Variants in LRRC4C observed in about 807,000 individuals in gnomAD.
LRRC4C encodes leucine-rich repeat-containing protein 4C.
A neutral mutation model predicts 33.6 loss-of-function variants in LRRC4C; 5 were observed. That is an observed-to-expected ratio of 0.15 (90% CI 0.08 to 0.31). The LOEUF (loss-of-function observed/expected upper bound fraction) is 0.31. Ranked by LOEUF, LRRC4C falls within the 10% of genes least tolerant of loss-of-function variation. LRRC4C has a pLI of 1.00. For missense variants in LRRC4C, 560 were observed against 796.7 expected (o/e 0.70, Z 3.58); for synonymous variants, 329 against 302.0 (o/e 1.09, Z -0.93).
At chr11:41,148,338 C>T (rs1452251645) in intron 1 of LRRC4C, among the ~76,000 whole-genome samples, 1 of 151,992 alleles carries the variant, frequency 6.6e-6, no homozygotes, top group Non-Finnish European at 1.5e-5. Flanking sequence ...CTGCAGTGAG[C>T]CATGATCACA....
intron 1 of LRRC4C, among the ~76,000 whole-genome samples, chr11:41,370,584 C>T (rs1401775825): frequency 6.6e-6 from 1 of 152,178 alleles, no homozygotes; most frequent in African/African-American, 2.4e-5. Flanking sequence ...CGCCTTTCTC[C>T]TCCTGCCATG....
chr11:40,201,063 T>G (rs1565126008), intron 5 of LRRC4C, among the ~76,000 whole-genome samples: 1 of 152,148 alleles, frequency 6.6e-6, no homozygotes, highest in African/African-American at 2.4e-5. Flanking sequence ...CATGTGCACA[T>G]GCATGCAGGG....
chr11:40,619,452 G>T (rs989838394), intron 3 of LRRC4C, among the ~76,000 whole-genome samples: 4 of 151,464 alleles, frequency 2.6e-5, no homozygotes, highest in East Asian at 1.9e-4. Flanking sequence ...AAACTAAAAA[G>T]AAATAAAGAA....
intron 1 of LRRC4C, among the ~76,000 whole-genome samples, chr11:41,080,342 C>CA (rs1555067263): frequency 1.5e-4 from 15 of 103,434 alleles, no homozygotes; most frequent in African/African-American, 5.1e-4. Flanking sequence ...GAGTCTCCTC[C>CA]TTTTTTTTTT....
intron 5 of LRRC4C, among the ~76,000 whole-genome samples, chr11:40,193,767 C>T (rs1475901664): frequency 1.3e-5 from 2 of 152,008 alleles, no homozygotes; most frequent in African/African-American, 4.8e-5. Context: ...CATAAATGAC[C>T]TGATGGAGAT....
rs183353527 is a variant in LRRC4C at position 40,725,425 on chromosome 11, G to A, written c.-406-77147C>T. On this transcript the variant is annotated intron_variant, in intron 2 of 6. Transcript: ENST00000528697. The stretch of plus-strand genomic sequence containing the variant: ...AGGGAGGCTGAGGCAGGAGAATGGC[G>A]TGAACCTGGGAGGTGAAGCTTGCAG... Among the ~76,000 whole-genome samples, 534 of 151,904 alleles carry A rather than the reference G, an allele frequency of 3.5e-3. 4 individuals carry two copies. The highest frequency in any genetic ancestry group is 0.012 in the African/African-American group (498 of 41,438).
intron 1 of LRRC4C, among the ~76,000 whole-genome samples, chr11:40,961,955 A>C (rs1366869175): frequency 2.6e-5 from 4 of 151,536 alleles, no homozygotes; most frequent in Non-Finnish European, 5.9e-5. Flanking sequence ...TTTTTATAGG[A>C]GCACAGCCAT....
intron 1 of LRRC4C, among the ~76,000 whole-genome samples, chr11:41,229,222 C>A (rs1358586282): frequency 6.6e-6 from 1 of 151,996 alleles, no homozygotes; most frequent in Non-Finnish European, 1.5e-5. Flanking sequence ...GGAAGAGACA[C>A]CAACAATGTG....
Position 40,541,436 on chromosome 11 carries a change from G to C in LRRC4C, c.-270+106706C>G, listed in dbSNP as rs567795412. On this transcript the variant is annotated intron_variant, in intron 3 of 6. Coordinates refer to ENST00000528697, the MANE Select transcript of LRRC4C (RefSeq NM_001258419.2). ...TTAATATGTGGTTCTTTTCATAAAA[G>C]ATGGTAAAAGCCATCTTTTCTATAA... Among the ~76,000 whole-genome samples the C allele has an allele frequency of 3.9e-5, 6 of 152,198 alleles. No homozygotes were observed. The East Asian group carries it at 5.8e-4, about 15-fold the overall frequency.
chr11:40,239,311 C>T (rs1865776968), intron 5 of LRRC4C, among the ~76,000 whole-genome samples: 1 of 152,126 alleles, frequency 6.6e-6, no homozygotes, highest in Non-Finnish European at 1.5e-5. Flanking sequence ...ACTGACAGTA[C>T]TTGGAACCTA....
At chr11:40,827,398 T>C (rs1054236942) in intron 2 of LRRC4C, among the ~76,000 whole-genome samples, 2 of 151,798 alleles carry the variant, frequency 1.3e-5, no homozygotes, top group East Asian at 1.9e-4. Flanking sequence ...AAATCATACA[T>C]AGTCAATCTC....
rs1451731700 is a variant in LRRC4C, at chr11:41,303,504, G to A, written c.-496+155927C>T. The stretch of plus-strand genomic sequence containing the variant: ...CCGAGATTGCAGCCTCTGCCCGGCC[G>A]CCACCCCATCTGGGAAGTGAGGAGT... On this transcript the variant is annotated intron_variant, in intron 1 of 6. Transcript: ENST00000528697. 4.4e-3 allele frequency among the ~76,000 whole-genome samples: 572 copies of A among 128,916 alleles called. 2 individuals carry two copies. Among genetic ancestry groups the A allele is most frequent in the African/African-American group, 0.015 (515 of 34,704 alleles). 84.6% of individuals were successfully genotyped at this position (128,916 alleles called of 152,430 possible). A position where few individuals can be genotyped will look rare whatever the true frequency, so the allele number is the denominator to read the frequency against.
intron 3 of LRRC4C, among the ~76,000 whole-genome samples, chr11:40,474,091 G>GA (rs35104740): frequency 0.52 from 78,581 of 151,758 alleles, 20,565 homozygotes; most frequent in East Asian, 0.73. Context: ...CACAGAATTA[G>GA]AAAAAAGAGT....
intron 1 of LRRC4C, among the ~76,000 whole-genome samples, chr11:40,956,711 C>A (rs949332728): frequency 3.3e-5 from 5 of 151,840 alleles, no homozygotes; most frequent in African/African-American, 1.2e-4. Context: ...CTCTATGTCA[C>A]AATTTCAATA....
chr11:41,415,355 A>G (rs768943333), intron 1 of LRRC4C, among the ~76,000 whole-genome samples: 2 of 152,142 alleles, frequency 1.3e-5, no homozygotes, highest in African/African-American at 4.8e-5. Context: ...TTGCCTCTTC[A>G]TAGTAAACTA....
At chr11:40,622,507 G>A (rs954410701) in intron 3 of LRRC4C, among the ~76,000 whole-genome samples, 41 of 151,984 alleles carry the variant, frequency 2.7e-4, no homozygotes, top group Admixed American at 2.4e-3. Flanking sequence ...TGAGAAAGAT[G>A]AGTGTGAGAG....
intron 3 of LRRC4C, among the ~76,000 whole-genome samples, chr11:40,592,001 T>C (rs547787298): frequency 8.5e-5 from 13 of 152,240 alleles, no homozygotes; most frequent in Admixed American, 2.0e-4. Flanking sequence ...CCACTTCTGG[T>C]TTGGAGCTGC....
intron 1 of LRRC4C, among the ~76,000 whole-genome samples, chr11:41,067,592 C>A (rs2135403612): frequency 6.6e-6 from 1 of 152,304 alleles, no homozygotes; most frequent in African/African-American, 2.4e-5. Flanking sequence ...ACTCTCCACC[C>A]CAAATGAACA....
At chr11:41,138,956 A>G (rs1439236405) in intron 1 of LRRC4C, among the ~76,000 whole-genome samples, 1 of 152,156 alleles carries the variant, frequency 6.6e-6, no homozygotes, top group East Asian at 1.9e-4. Context: ...TCCCCAATAA[A>G]AGCCATGTTA....
Sources: allele counts gnomAD v4.1 joint callset (sites outside exome capture counted in the v4.1 genomes callset), GRCh38; gene constraint gnomAD v4.1.1; transcripts MANE v1.5; gene names NCBI Gene and HGNC (gene_info 2026-07-23, HGNC 2026-07-21).